Variants in HIVEP2 observed in about 807,000 individuals in gnomAD.
HIVEP2 encodes the protein transcription factor HIVEP2.
HIVEP2 carries 14 observed loss-of-function variants against 180.7 expected under a neutral mutation model. That is an observed-to-expected ratio of 0.08 (90% CI 0.05 to 0.12). The LOEUF is 0.12. Ranked by LOEUF, HIVEP2 falls within the 10% of genes least tolerant of loss-of-function variation. The probability of loss-of-function intolerance (pLI) is 1.00; values close to 1 mark genes in which losing one functional copy is unlikely to be tolerated. For synonymous variants in HIVEP2, 1,184 were observed against 1,136.4 expected (o/e 1.04, Z -0.84); for missense variants, 2,579 against 3,008.5 (o/e 0.86, Z 3.34).
intron 1 of HIVEP2, among the ~76,000 whole-genome samples, chr6:142,921,289 C>T (rs1777678169): frequency 6.6e-6 from 1 of 152,228 alleles, no homozygotes; most frequent in Admixed American, 6.5e-5. Flanking sequence ...TGCCTGCAAT[C>T]CCAGCACTTT....
chr6:142,775,728 G>A (rs964960906), intron 4 of HIVEP2, among the ~76,000 whole-genome samples: 3 of 151,820 alleles, frequency 2.0e-5, no homozygotes, highest in Admixed American at 6.6e-5. Context: ...CCAGCTACTC[G>A]GGAGGCTAAG....
chr6:142,880,304 C>T (rs1776549413), intron 1 of HIVEP2, among the ~76,000 whole-genome samples: 1 of 152,026 alleles, frequency 6.6e-6, no homozygotes, highest in African/African-American at 2.4e-5. Context: ...TGCCAACAAC[C>T]CCATAACTTG....
chr6:142,900,261 A>C (rs1347873354), intron 1 of HIVEP2, among the ~76,000 whole-genome samples: 1 of 152,170 alleles, frequency 6.6e-6, no homozygotes. Flanking sequence ...GAAACTAAAC[A>C]AAGGACTGGG....
At chr6:142,857,023 C>A (rs1041554847) in intron 1 of HIVEP2, among the ~76,000 whole-genome samples, 1 of 152,166 alleles carries the variant, frequency 6.6e-6, no homozygotes, top group African/African-American at 2.4e-5. Context: ...CCTCTGTGAT[C>A]ATTTTTCTCA....
intron 1 of HIVEP2, among the ~76,000 whole-genome samples, chr6:142,878,725 C>G (rs1776507926): frequency 6.6e-6 from 1 of 152,140 alleles, no homozygotes; most frequent in Non-Finnish European, 1.5e-5. Flanking sequence ...CAGTTGACAG[C>G]CCCAGATCAC....
chr6:142,849,303 T>C (rs1232591098), intron 1 of HIVEP2, among the ~76,000 whole-genome samples: 2 of 152,106 alleles, frequency 1.3e-5, no homozygotes, highest in Non-Finnish European at 2.9e-5. Flanking sequence ...TCAGTAGACA[T>C]TTGTGAGGCG....
chr6:142,920,194 G>C (rs9484676), intron 1 of HIVEP2, among the ~76,000 whole-genome samples: 16,151 of 152,206 alleles, frequency 0.11, 1,033 homozygotes, highest in South Asian at 0.13. Context: ...TGCTACATGA[G>C]GTCACAGAGT....
intron 9 of HIVEP2, among the ~76,000 whole-genome samples, chr6:142,755,687 C>T (rs1775047403): frequency 6.6e-6 from 1 of 152,194 alleles, no homozygotes; most frequent in Non-Finnish European, 1.5e-5. Context: ...CAAATGGAGT[C>T]ATGAATTGTC....
At chr6:142,802,089 G>A (rs1167753825) in intron 2 of HIVEP2, among the ~76,000 whole-genome samples, 1 of 152,124 alleles carries the variant, frequency 6.6e-6, no homozygotes, top group Non-Finnish European at 1.5e-5. Context: ...ATGCATAGGG[G>A]CTCATTCTCA....
chr6:142,761,573 A>G lies in HIVEP2; in HGVS notation c.5519-8T>C. ...TATGCTTCGTTAGGTTTCCTTGAAA[A>G]TGTAGCAAAAAAAAGAGAGAAATTA... On this transcript the variant is annotated splice_region_variant and splice_polypyrimidine_tract_variant and intron_variant, in intron 7 of 9. Coordinates refer to ENST00000367603, the MANE Select transcript of HIVEP2 (RefSeq NM_006734.4). 6.7e-7 allele frequency: 1 copy of G among 1,485,306 alleles called. No individual in the cohort carries two copies. Among genetic ancestry groups the G allele is most frequent in the Non-Finnish European group, 9.4e-7 (1 of 1,065,192 alleles). The allele number at this position is 1,485,306 out of a possible 1,614,324, so 92.0% of individuals were successfully genotyped here.
At position 142,753,263 on chromosome 6, in the gene HIVEP2, G is replaced by C. The variant is rs772023981; in HGVS notation, c.7185C>G (p.Asp2395Glu). 9 of 1,614,064 alleles carry C rather than the reference G, an allele frequency of 5.6e-6. No homozygotes were observed. The East Asian group carries it at 2.0e-4, about 36-fold the overall frequency. The change falls in exon 10 of 10, where the codon GAC becomes GAG. Residue 2395 changes from aspartate to glutamate, a missense_variant. Asp to Glu is a conservative substitution (Grantham distance 45). Transcript: ENST00000367603. ...ATGGAGTCTGTGATGTACCAAAATT[G>C]TCCTTTTCACCATCATGCAAGTCAG... ...THPDLHDGEKDNFGTSQTPLA... is the reference protein window; with the variant it reads ...THPDLHDGEKENFGTSQTPLA...
At position 142,770,121 on chromosome 6, in the gene HIVEP2, T is replaced by C. The variant is rs1238467026; in HGVS notation, c.4618A>G (p.Ser1540Gly). The C allele has an allele frequency of 1.2e-6, 2 of 1,614,082 alleles. No homozygotes were observed. Among genetic ancestry groups the C allele is most frequent in the East Asian group, 2.2e-5 (1 of 44,890 alleles). Residue 1540 changes from serine (S) to glycine (G), a missense_variant, in exon 5 of 10, where the codon AGC becomes GGC. Physicochemically the swap from Ser to Gly is moderately conservative, Grantham distance 56. Coordinates refer to ENST00000367603, the MANE Select transcript of HIVEP2 (RefSeq NM_006734.4). This position sits in a 1 kb window ranked among gnomAD's most constrained non-coding sequence, Gnocchi z 4.7. Reference protein sequence around the residue: ...SPSSREPFLPSKEMLSGSRAP... With the variant: ...SPSSREPFLPGKEMLSGSRAP... ...CGGGAACCGGAAAGCATCTCCTTGCTGGGCAGGAATGGCTCCCTGGAAGAC... is the reference window on the plus strand; with the variant it reads ...CGGGAACCGGAAAGCATCTCCTTGCCGGGCAGGAATGGCTCCCTGGAAGAC...
rs750713498 is a variant in HIVEP2 at position 142,753,539 on chromosome 6, C to T, written c.6909G>A (p.Arg2303=). 32 of 1,614,136 alleles carry T rather than the reference C, an allele frequency of 2.0e-5. No individual in the cohort carries two copies. Among genetic ancestry groups the T allele is most frequent in the Non-Finnish European group, 2.7e-5 (32 of 1,180,030 alleles). ...CCGAAGTGCTCTGTTTCATCAACAG[C>T]CGAGGAGAGGAGGGAGTGCTAGGTG... ...SGPPSTPSSP[R]LLMKQSTSED... The change falls in exon 10 of 10, where the codon CGG becomes CGA. Residue 2303 remains arginine (R), a synonymous_variant. Transcript: ENST00000367603.
At chr6:142,858,204 T>C (rs757186684) in intron 1 of HIVEP2, among the ~76,000 whole-genome samples, 3 of 152,158 alleles carry the variant, frequency 2.0e-5, no homozygotes, top group Non-Finnish European at 2.9e-5. Context: ...CTTTGACATG[T>C]TATTTCCTTT....
chr6:142,856,963 T>C (rs1328729495), intron 1 of HIVEP2, among the ~76,000 whole-genome samples: 1 of 152,204 alleles, frequency 6.6e-6, no homozygotes, highest in African/African-American at 2.4e-5. Context: ...TGAAGCATTC[T>C]ACATTATTCA....
chr6:142,761,969 A>G (rs1012036232), intron 7 of HIVEP2, among the ~76,000 whole-genome samples: 7 of 152,214 alleles, frequency 4.6e-5, no homozygotes, highest in Non-Finnish European at 1.0e-4. Flanking sequence ...GAGATACTTC[A>G]GAATGAAATA....
chr6:142,760,642 T>C lies in HIVEP2; in HGVS notation c.5646A>G (p.Ala1882=). Residue 1882 remains alanine, a synonymous_variant, in exon 9 of 10, where the codon GCA becomes GCG. Coordinates refer to ENST00000367603, the MANE Select transcript of HIVEP2 (RefSeq NM_006734.4). The part of the protein sequence containing the change: ...EAENLEDLHK[A]AEKHSMSSIS... ...TGCTGGACATGCTATGCTTCTCTGC[T>C]GCTTTGTGCAAATCTTCCAAATTTT... The C allele has an allele frequency of 1.9e-6, 3 of 1,602,428 alleles. No homozygotes were observed. Among genetic ancestry groups the C allele is most frequent in the Non-Finnish European group, 2.6e-6 (3 of 1,175,252 alleles).
intron 1 of HIVEP2, among the ~76,000 whole-genome samples, chr6:142,863,831 C>T (rs939726572): frequency 3.9e-5 from 6 of 152,184 alleles, no homozygotes; most frequent in South Asian, 2.1e-4. Context: ...TGGGAAAGCT[C>T]ACATTCCAGT....
chr6:142,821,266 A>G lies in HIVEP2; in HGVS notation c.-528+15669T>C, dbSNP rs144431087. On this transcript the variant is annotated intron_variant, in intron 2 of 9. Coordinates refer to ENST00000367603, the MANE Select transcript of HIVEP2 (RefSeq NM_006734.4). ...ACTGGGAAGAGTTCCTCCTAGGACTACATTTAAAAAAAAAAAAAATCCAAA... is the reference window on the plus strand; with the variant it reads ...ACTGGGAAGAGTTCCTCCTAGGACTGCATTTAAAAAAAAAAAAAATCCAAA... Among the ~76,000 whole-genome samples, 963 of 152,128 alleles carry G rather than the reference A, an allele frequency of 6.3e-3. 7 individuals are homozygous for G. Among genetic ancestry groups the G allele is most frequent in the Non-Finnish European group, 8.9e-3 (607 of 68,010 alleles).
Sources: allele counts gnomAD v4.1 joint callset (sites outside exome capture counted in the v4.1 genomes callset), GRCh38; gene constraint gnomAD v4.1.1; non-coding constraint Gnocchi (gnomAD v3.1); transcripts MANE v1.5; gene names NCBI Gene and HGNC (gene_info 2026-07-23, HGNC 2026-07-21).